The following FBXO22 variants were observed in gnomAD, a reference collection of about 807,000 sequenced individuals.
FBXO22 encodes the protein F-box only protein 22.
FBXO22 carries 13 observed loss-of-function variants against 37.2 expected under a neutral mutation model. The observed-to-expected ratio is 0.35, with a 90% CI of 0.23 to 0.56. The LOEUF (loss-of-function observed/expected upper bound fraction) is 0.56. Ranked by LOEUF, FBXO22 falls within the 20% of genes least tolerant of loss-of-function variation. FBXO22 has a pLI of 0.87. For missense variants in FBXO22, 446 were observed against 509.9 expected, an observed-to-expected ratio of 0.87 and a Z score of 1.21; for synonymous variants, 189 against 189.1, an observed-to-expected ratio of 1.00 and a Z score of 0.00.
chr15:75,927,608 T>C (rs1900471454), intron 5 of FBXO22, among the ~76,000 whole-genome samples: 1 of 152,202 alleles, frequency 6.6e-6, no homozygotes, highest in South Asian at 2.1e-4. Flanking sequence ...GAAGAAAATA[T>C]ATTCTCTTAA....
rs192669101 is a variant in FBXO22 at position 75,911,705 on chromosome 15, T to C, written c.280-1498T>C. ...TTTCTAAATATACAATCATGTCATCTGCAAACAGAGACAATTTGAATTCCT... is the reference window on the plus strand; with the variant it reads ...TTTCTAAATATACAATCATGTCATCCGCAAACAGAGACAATTTGAATTCCT... On this transcript the variant is annotated intron_variant, in intron 2 of 6. Transcript: ENST00000308275. 1.7e-4 allele frequency among the ~76,000 whole-genome samples: 26 copies of C among 152,198 alleles called. 1 individual carries two copies. The highest frequency in any genetic ancestry group is 6.3e-4 in the African/African-American group (26 of 41,526).
intron 5 of FBXO22, among the ~76,000 whole-genome samples, chr15:75,921,718 T>A (rs776379999): frequency 1.3e-5 from 2 of 152,158 alleles, no homozygotes; most frequent in African/African-American, 2.4e-5. Context: ...ACAAAAAAAA[T>A]TTCCATTTAT....
At chr15:75,916,381 G>C (rs1057171165) in intron 4 of FBXO22, among the ~76,000 whole-genome samples, 3 of 152,192 alleles carry the variant, frequency 2.0e-5, no homozygotes, top group East Asian at 3.9e-4. Context: ...TGGTCTCTCT[G>C]AAGCTTACTT....
rs965969567 is a variant in FBXO22, at chr15:75,935,895, C to G, written c.*2793C>G. On this transcript the variant is annotated 3_prime_UTR_variant, in exon 7 of 7. Transcript: ENST00000308275. ...CTCCGCCTCCCAGGTTCACGCCATT[C>G]TCCTGCCTCAGCCTCCCGAGTAGCT... 3 of 152,072 alleles carry G rather than the reference C, an allele frequency of 2.0e-5. No individual in the cohort carries two copies. Among genetic ancestry groups the G allele is most frequent in the African/African-American group, 7.2e-5 (3 of 41,398 alleles). 9.4% of individuals were successfully genotyped at this position (152,072 alleles called of 1,614,324 possible).
chr15:75,930,887 G>A, intron 6 of FBXO22: 1 of 971,554 alleles, frequency 1.0e-6, no homozygotes, highest in Non-Finnish European at 1.2e-6. Flanking sequence ...TAAGAATAAT[G>A]TAAGTCATCC....
chr15:75,936,863 G>T lies in FBXO22; in HGVS notation c.*3761G>T, dbSNP rs553724321. 5 of 152,080 alleles carry T rather than the reference G, an allele frequency of 3.3e-5. No individual in the cohort carries two copies. Among genetic ancestry groups the T allele is most frequent in the African/African-American group, 4.8e-5 (2 of 41,406 alleles). 9.4% of individuals were successfully genotyped at this position (152,080 alleles called of 1,614,324 possible). A position where few individuals can be genotyped will look rare whatever the true frequency, so the allele number is the denominator to read the frequency against. On this transcript the variant is annotated 3_prime_UTR_variant, in exon 7 of 7. Coordinates refer to ENST00000308275, the MANE Select transcript of FBXO22 (RefSeq NM_147188.3). ...GCTGGGATTACAGGCGTGAGCCACC[G>T]TGCCCAGCTGGAAACTTTCATTTCT...
intron 6 of FBXO22, among the ~76,000 whole-genome samples, chr15:75,932,094 G>A (rs1406777162): frequency 6.6e-6 from 1 of 152,064 alleles, no homozygotes; most frequent in Admixed American, 6.5e-5. Flanking sequence ...TGTATCTGTA[G>A]CCCCAGCTCC....
rs117674976 is a variant in FBXO22 at position 75,919,888 on chromosome 15, C to T, written c.628+2494C>T. Among the ~76,000 whole-genome samples the T allele has an allele frequency of 9.2e-5, 14 of 152,288 alleles. No individual in the cohort carries two copies. The East Asian group carries it at 2.3e-3, about 25-fold the overall frequency. ...GTACTGTATGCCAGATACTGTGCTGCGCAGCACTTCTAATCTTCACCACAG... is the reference window on the plus strand; with the variant it reads ...GTACTGTATGCCAGATACTGTGCTGTGCAGCACTTCTAATCTTCACCACAG... On this transcript the variant is annotated intron_variant, in intron 5 of 6. Transcript: ENST00000308275.
At chr15:75,929,246 C>T (rs1414144064) in intron 5 of FBXO22, among the ~76,000 whole-genome samples, 3 of 151,814 alleles carry the variant, frequency 2.0e-5, no homozygotes, top group East Asian at 1.9e-4. Flanking sequence ...TTAGAGCCCA[C>T]GTGGATAGAC....
At chr15:75,915,797 G>A (rs950689262) in intron 4 of FBXO22, among the ~76,000 whole-genome samples, 5 of 151,916 alleles carry the variant, frequency 3.3e-5, no homozygotes, top group African/African-American at 1.2e-4. Context: ...CTGCTCAGGA[G>A]GCTAAGGCAG....
At chr15:75,912,979 G>A (rs571942313) in intron 2 of FBXO22, among the ~76,000 whole-genome samples, 3 of 152,190 alleles carry the variant, frequency 2.0e-5, no homozygotes, top group Non-Finnish European at 2.9e-5. Flanking sequence ...TGTTCTCATT[G>A]GTTTCAAAGA....
chr15:75,921,499 C>G (rs1387258650), intron 5 of FBXO22, among the ~76,000 whole-genome samples: 1 of 152,018 alleles, frequency 6.6e-6, no homozygotes, highest in Non-Finnish European at 1.5e-5. Flanking sequence ...CCCATCTCTA[C>G]TAAAAATACA....
At chr15:75,929,714 G>A (rs1038110000) in intron 5 of FBXO22, among the ~76,000 whole-genome samples, 170 bp from the exon 6 acceptor site, 2 of 152,014 alleles carry the variant, frequency 1.3e-5, no homozygotes, top group Admixed American at 6.6e-5. Flanking sequence ...TACAGAGATC[G>A]AAGAGGATAT....
At chr15:75,919,084 G>T (rs1388123039) in intron 5 of FBXO22, among the ~76,000 whole-genome samples, 1 of 152,100 alleles carries the variant, frequency 6.6e-6, no homozygotes, top group Non-Finnish European at 1.5e-5. Flanking sequence ...TCATGCCTCA[G>T]ACTCCCGAGT....
intron 5 of FBXO22, among the ~76,000 whole-genome samples, chr15:75,920,488 CTA>C (rs1372142809): frequency 6.6e-6 from 1 of 152,162 alleles, no homozygotes; most frequent in Non-Finnish European, 1.5e-5. Flanking sequence ...GACGAGATGA[CTA>C]TCTATATTCA....
intron 1 of FBXO22, 84 bp from the exon 2 acceptor site, chr15:75,904,407 G>C: frequency 6.3e-7 from 1 of 1,590,234 alleles, no homozygotes; most frequent in Admixed American, 1.7e-5. Context: ...TCCTGCTGCT[G>C]CGCCAGCGGG....
intron 5 of FBXO22, among the ~76,000 whole-genome samples, chr15:75,927,512 C>A (rs187694850): frequency 2.6e-5 from 4 of 152,142 alleles, no homozygotes; most frequent in Non-Finnish European, 5.9e-5. Flanking sequence ...GTAGTCACTT[C>A]TCTGGCATTG....
At chr15:75,926,130 T>C (rs1236598334) in intron 5 of FBXO22, among the ~76,000 whole-genome samples, 1 of 152,232 alleles carries the variant, frequency 6.6e-6, no homozygotes, top group African/African-American at 2.4e-5. Context: ...TTTTAATGGT[T>C]GTGGTAAGCT....
intron 6 of FBXO22, among the ~76,000 whole-genome samples, chr15:75,932,455 T>G (rs2030066677): frequency 6.6e-6 from 1 of 152,152 alleles, no homozygotes; most frequent in Non-Finnish European, 1.5e-5. Flanking sequence ...CATTGCCCCT[T>G]TGTATTTGTG....
Sources: allele counts gnomAD v4.1 joint callset (sites outside exome capture counted in the v4.1 genomes callset), GRCh38; gene constraint gnomAD v4.1.1; transcripts MANE v1.5; gene names NCBI Gene and HGNC (gene_info 2026-07-23, HGNC 2026-07-21).